The following CTNNA3 variants were observed in gnomAD, a reference collection of about 807,000 sequenced individuals.
The protein encoded by CTNNA3 is catenin alpha-3.
In CTNNA3, 76 loss-of-function variants were observed where a neutral mutation model predicts 95.7. The observed-to-expected ratio is 0.79, with a 90% CI of 0.66 to 0.96. The LOEUF (loss-of-function observed/expected upper bound fraction) is 0.96, where lower values mean the gene tolerates loss of function less well. Among genes scored for constraint, CTNNA3 ranks in the 40% least tolerant of loss-of-function variants. CTNNA3 has a pLI of 0.00. For missense variants in CTNNA3, 1,191 were observed against 1,089.8 expected, an observed-to-expected ratio of 1.09 and a Z score of -1.31; for synonymous variants, 431 against 374.4, an observed-to-expected ratio of 1.15 and a Z score of -1.74.
At chr10:66,478,508 GT>G (rs1190848816) in intron 11 of CTNNA3, among the ~76,000 whole-genome samples, 1 of 151,664 alleles carries the variant, frequency 6.6e-6, no homozygotes, top group East Asian at 1.9e-4. Flanking sequence ...TTTTAAACAT[GT>G]GTAAACTAAT....
At chr10:66,597,203 G>A (rs1016828886) in intron 10 of CTNNA3, among the ~76,000 whole-genome samples, 1 of 151,804 alleles carries the variant, frequency 6.6e-6, no homozygotes, top group Non-Finnish European at 1.5e-5. Context: ...ACTAATAGCT[G>A]CATTATGGGA....
chr10:66,954,923 T>C (rs1026417381), intron 7 of CTNNA3, among the ~76,000 whole-genome samples: 7 of 152,178 alleles, frequency 4.6e-5, no homozygotes, highest in African/African-American at 1.7e-4. Context: ...TTTGTGCAGT[T>C]TTCTCATATA....
intron 7 of CTNNA3, among the ~76,000 whole-genome samples, chr10:66,806,393 A>G (rs1023773747): frequency 6.6e-6 from 1 of 151,984 alleles, no homozygotes; most frequent in Non-Finnish European, 1.5e-5. Context: ...GAGATAAATA[A>G]GAGTCTTTAA....
chr10:67,620,950 TACAG>T (rs1843823355), intron 2 of CTNNA3, among the ~76,000 whole-genome samples: 1 of 144,292 alleles, frequency 6.9e-6, no homozygotes, highest in African/African-American at 2.6e-5. Flanking sequence ...TATATATATA[TACAG>T]AAATGTGGAT....
intron 5 of CTNNA3, among the ~76,000 whole-genome samples, chr10:67,373,935 A>C (rs916511020): frequency 1.3e-5 from 2 of 152,170 alleles, no homozygotes; most frequent in Admixed American, 1.3e-4. Flanking sequence ...GCTATGCCCC[A>C]TGGGGTCAGG....
At chr10:67,641,432 T>C (rs1839529238) in intron 2 of CTNNA3, among the ~76,000 whole-genome samples, 1 of 152,170 alleles carries the variant, frequency 6.6e-6, no homozygotes. Flanking sequence ...CTTCAACCAT[T>C]GTGGAGGTCA....
chr10:66,115,579 T>TAGA (rs1398476897), intron 13 of CTNNA3, among the ~76,000 whole-genome samples: 1,514 of 125,216 alleles, frequency 0.012, 15 homozygotes, highest in South Asian at 0.022. Flanking sequence ...GACAGATAGA[T>TAGA]GATAGATAGA....
intron 12 of CTNNA3, among the ~76,000 whole-genome samples, chr10:66,335,610 C>A (rs1445016138): frequency 1.3e-5 from 2 of 152,020 alleles, no homozygotes; most frequent in South Asian, 2.1e-4. Context: ...CAGAGGAGTA[C>A]CCGGCCATGT....
intron 11 of CTNNA3, among the ~76,000 whole-genome samples, chr10:66,451,025 A>G (rs2093460286): frequency 6.6e-6 from 1 of 152,128 alleles, no homozygotes; most frequent in African/African-American, 2.4e-5. Flanking sequence ...AGTAGATATC[A>G]TCTATAGCTT....
At chr10:67,042,184 T>TG (rs1854435910) in intron 7 of CTNNA3, among the ~76,000 whole-genome samples, 1 of 152,024 alleles carries the variant, frequency 6.6e-6, no homozygotes, top group South Asian at 2.1e-4. Context: ...AGAACAAACC[T>TG]GGATGTTAGA....
chr10:66,367,056 T>C (rs1174099395), intron 12 of CTNNA3, among the ~76,000 whole-genome samples: 1 of 152,154 alleles, frequency 6.6e-6, no homozygotes, highest in African/African-American at 2.4e-5. Flanking sequence ...CACCCGGGCC[T>C]GGGAGACTTG....
intron 9 of CTNNA3, among the ~76,000 whole-genome samples, chr10:66,724,843 G>A (rs1418736688): frequency 6.6e-6 from 1 of 152,098 alleles, no homozygotes; most frequent in Non-Finnish European, 1.5e-5. Context: ...ACAAATATGT[G>A]TATATGTAAC....
chr10:66,619,426 C>T (rs9664003), intron 10 of CTNNA3, among the ~76,000 whole-genome samples: 442 of 100,302 alleles, frequency 4.4e-3, no homozygotes, highest in South Asian at 7.7e-3. Flanking sequence ...GTGGATGAAG[C>T]TGGAAACCAT....
intron 5 of CTNNA3, among the ~76,000 whole-genome samples, chr10:67,498,455 T>C (rs1839107838): frequency 6.6e-6 from 1 of 152,234 alleles, no homozygotes; most frequent in South Asian, 2.1e-4. Flanking sequence ...AAGTCGTTTT[T>C]TCTAATTCTG....
At chr10:66,109,263 C>A (rs1412868037) in intron 13 of CTNNA3, among the ~76,000 whole-genome samples, 1 of 152,110 alleles carries the variant, frequency 6.6e-6, no homozygotes, top group African/African-American at 2.4e-5. Context: ...CGGTGAGACT[C>A]CCTGACATCT....
At chr10:67,199,093 G>A (rs1273188477) in intron 6 of CTNNA3, among the ~76,000 whole-genome samples, 1 of 151,524 alleles carries the variant, frequency 6.6e-6, no homozygotes, top group Non-Finnish European at 1.5e-5. Context: ...GTTGAGAAGG[G>A]GACTGACAGG....
chr10:66,316,460 C>T (rs1245745535), intron 12 of CTNNA3, among the ~76,000 whole-genome samples: 4 of 151,922 alleles, frequency 2.6e-5, no homozygotes, highest in African/African-American at 7.3e-5. Flanking sequence ...TCACAGGTGG[C>T]TGGAGCCTAT....
chr10:65,955,503 A>G (rs927898290), intron 17 of CTNNA3, among the ~76,000 whole-genome samples: 14 of 152,232 alleles, frequency 9.2e-5, no homozygotes, highest in Admixed American at 3.3e-4. Context: ...TTGCCCATTC[A>G]GTATGATATT....
chr10:67,055,342 T>G (rs1477249194), intron 7 of CTNNA3, among the ~76,000 whole-genome samples: 5 of 152,184 alleles, frequency 3.3e-5, no homozygotes, highest in Admixed American at 6.5e-5. Flanking sequence ...AAAGATTTTA[T>G]GAGGCTAGAG....
Sources: gnomAD v4.1 joint callset for allele counts (sites outside exome capture counted in the v4.1 genomes callset) on GRCh38, gnomAD v4.1.1 for gene constraint, MANE v1.5 for transcripts, NCBI Gene and HGNC (gene_info 2026-07-23, HGNC 2026-07-21) for gene names.